Variants in BAHCC1 observed in about 807,000 individuals in gnomAD.
The protein encoded by BAHCC1 is BAH and coiled-coil domain-containing protein 1.
Under a neutral mutation model 88.2 loss-of-function variants are expected in BAHCC1, and 43 were observed. The ratio of observed to expected loss-of-function variants is 0.49; its 90% confidence interval spans 0.38 to 0.63. The LOEUF is 0.63. Among genes scored for constraint, BAHCC1 ranks in the 20% least tolerant of loss-of-function variants. The pLI, the probability that BAHCC1 is intolerant of heterozygous loss-of-function variation, is 0.00. For missense variants in BAHCC1, 3,023 were observed against 1,654.8 expected (o/e 1.83, Z -14.34); for synonymous variants, 1,510 against 745.5 (o/e 2.03, Z -16.71).
At chr17:81,425,075 TGG>T (rs148518315) in intron 2 of BAHCC1, among the ~76,000 whole-genome samples, 4 of 19,180 alleles carry the variant, frequency 2.1e-4, no homozygotes, top group African/African-American at 6.9e-4. Flanking sequence ...ATGTGGTTGG[TGG>T]GTGATGTGGT....
At chr17:81,412,301 A>C (rs560431719) in intron 2 of BAHCC1, among the ~76,000 whole-genome samples, 1 of 152,258 alleles carries the variant, frequency 6.6e-6, no homozygotes, top group Non-Finnish European at 1.5e-5. Context: ...ATAAACTTTT[A>C]ATTTATTTTA....
At chr17:81,421,345 G>T (rs997845401) in intron 2 of BAHCC1, among the ~76,000 whole-genome samples, 1 of 152,254 alleles carries the variant, frequency 6.6e-6, no homozygotes, top group Non-Finnish European at 1.5e-5. Context: ...TCGGCGGGGG[G>T]GCTGGGGAGG....
chr17:81,454,675 T>G (rs1472895457), intron 14 of BAHCC1, among the ~76,000 whole-genome samples: 1 of 151,804 alleles, frequency 6.6e-6, no homozygotes, highest in Non-Finnish European at 1.5e-5. Context: ...CTCCTAAGGG[T>G]GGTAGTATCA....
rs782787741 is a variant in BAHCC1, at chr17:81,463,647, G to A, written c.7657G>A (p.Asp2553Asn). 9 of 779,580 alleles carry A rather than the reference G, an allele frequency of 1.2e-5. No homozygotes were observed. Among genetic ancestry groups the A allele is most frequent in the Admixed American group, 8.5e-5 (5 of 59,026 alleles). 48.3% of individuals were successfully genotyped at this position (779,580 alleles called of 1,614,324 possible). ...LYQSCHEDEN[D>N]VQTISHKCQV... is the part of the protein sequence containing the mutation. ...CCAGTCCTGCCACGAGGATGAGAACGACGTGCAGACCATCTCCCACAAGTG... is the reference window on the plus strand; with the variant it reads ...CCAGTCCTGCCACGAGGATGAGAACAACGTGCAGACCATCTCCCACAAGTG... Residue 2553 changes from aspartate (D) to asparagine (N), a missense_variant, in exon 28 of 28, where the codon GAC (aspartate) becomes AAC (asparagine). Asp to Asn is a conservative substitution (Grantham distance 23). Coordinates refer to ENST00000675386, the MANE Select transcript of BAHCC1 (RefSeq NM_001377448.1).
chr17:81,412,535 C>A (rs1451055644), intron 2 of BAHCC1, among the ~76,000 whole-genome samples: 1 of 152,192 alleles, frequency 6.6e-6, no homozygotes, highest in Non-Finnish European at 1.5e-5. Flanking sequence ...GGGTCAGAGA[C>A]CCCTTGGGGC....
chr17:81,462,596 C>T (rs948124102), intron 26 of BAHCC1, 144 bp from the exon 27 acceptor site: 27 of 599,934 alleles, frequency 4.5e-5, no homozygotes, highest in Admixed American at 9.2e-5. Context: ...CGCGGTGCTG[C>T]GGCTTCCTGC....
intron 16 of BAHCC1, 56 bp from the exon 17 acceptor site, chr17:81,457,354 C>T (rs1193142253): frequency 1.4e-6 from 1 of 722,308 alleles, no homozygotes; most frequent in South Asian, 1.5e-5. Flanking sequence ...CCTCCCCCAC[C>T]TCTCAATGGC....
chr17:81,415,598 C>A (rs781995799), intron 2 of BAHCC1: 1 of 507,580 alleles, frequency 2.0e-6, no homozygotes, highest in Non-Finnish European at 3.9e-6. Context: ...GATACTACAG[C>A]CTGAGCCAAC....
chr17:81,455,189 A>C (rs1555656911), intron 14 of BAHCC1, 78 bp from the exon 15 acceptor site: 1 of 677,698 alleles, frequency 1.5e-6, no homozygotes, highest in Non-Finnish European at 2.7e-6. Flanking sequence ...AGTGTGACCC[A>C]CTACAGAGAC....
chr17:81,396,710 T>A (rs1259284472), intron 1 of BAHCC1: 1 of 152,170 alleles, frequency 6.6e-6, no homozygotes, highest in Non-Finnish European at 1.5e-5. Context: ...AAGCTCCAGA[T>A]CCTGGAGCGC....
intron 2 of BAHCC1, chr17:81,403,052 A>G (rs2063836219): frequency 6.6e-6 from 1 of 152,082 alleles, no homozygotes; most frequent in Non-Finnish European, 1.5e-5. Flanking sequence ...TCTAGGGGGG[A>G]GAAAAGAGAA....
rs1555658856 is a variant in BAHCC1 at position 81,460,566 on chromosome 17, G to T, written c.6062G>T (p.Ser2021Ile). 1.3e-6 allele frequency: 1 copy of T among 767,500 alleles called. No individual in the cohort carries two copies. Among genetic ancestry groups the T allele is most frequent in the Admixed American group, 1.7e-5 (1 of 57,706 alleles). 47.5% of individuals were successfully genotyped at this position (767,500 alleles called of 1,614,324 possible). ...EPSPALLVSS[S>I]CRRTKKVSSE... ...TCTCCAGCCCTGCTAGTGTCTAGCA[G>T]CTGCCGGAGGACCAAGAAGGTATCC... Residue 2021 changes from serine (S) to isoleucine (I), a missense_variant, in exon 25 of 28, where the codon AGC (serine) becomes ATC (isoleucine). By Grantham distance (142) the Ser-to-Ile change is moderately radical. Coordinates refer to ENST00000675386, the MANE Select transcript of BAHCC1 (RefSeq NM_001377448.1).
At chr17:81,428,684 A>G (rs1036262254) in intron 3 of BAHCC1, among the ~76,000 whole-genome samples, 11 of 152,196 alleles carry the variant, frequency 7.2e-5, no homozygotes, top group Non-Finnish European at 1.5e-4. Context: ...GGCTGCTCAG[A>G]GGGTGGGTGT....
Position 81,399,512 on chromosome 17 carries a change from T to C in BAHCC1, c.-206-22T>C. On this transcript the variant is annotated intron_variant, in intron 1 of 27. Coordinates refer to ENST00000675386, the MANE Select transcript of BAHCC1 (RefSeq NM_001377448.1). This position sits in a 1 kb window ranked among gnomAD's most constrained non-coding sequence, Gnocchi z 4.5. ...GCCGAGCCCCCCAGTCACCCGTGTCTCCTCTGCTTTTGCCTCCACAGACCA... is the reference window on the plus strand; with the variant it reads ...GCCGAGCCCCCCAGTCACCCGTGTCCCCTCTGCTTTTGCCTCCACAGACCA... 3.0e-6 allele frequency: 1 copy of C among 328,336 alleles called. No individual in the cohort carries two copies. The highest frequency in any genetic ancestry group is 6.2e-6 in the Non-Finnish European group (1 of 162,478). 20.3% of individuals were successfully genotyped at this position (328,336 alleles called of 1,614,324 possible).
intron 1 of BAHCC1, among the ~76,000 whole-genome samples, chr17:81,398,614 C>A (rs906757047): frequency 3.3e-5 from 5 of 150,102 alleles, no homozygotes; most frequent in Admixed American, 1.3e-4. Context: ...GCACCCCCCC[C>A]ACACACACCC....
At chr17:81,452,630 C>T in intron 13 of BAHCC1, 93 bp from the exon 14 acceptor site, 1 of 583,206 alleles carries the variant, frequency 1.7e-6, no homozygotes, top group Non-Finnish European at 3.0e-6. Context: ...TCCCCACACC[C>T]AGTAGCCCTC....
chr17:81,460,972 G>C lies in BAHCC1; in HGVS notation c.6309G>C (p.Gln2103His). The part of the protein sequence containing the change: ...SPLLSWSAVA[Q>H]TKRKAVAAAS... ...TGCTGAGCTGGTCCGCGGTGGCGCA[G>C]ACCAAGCGGAAGGCGGTGGCAGCGG... is the stretch of plus-strand genomic sequence containing the variant. Residue 2103 changes from glutamine (Q) to histidine (H), a missense_variant, in exon 26 of 28, where the codon CAG becomes CAC. Gln to His is a conservative substitution (Grantham distance 24). Coordinates refer to ENST00000675386, the MANE Select transcript of BAHCC1 (RefSeq NM_001377448.1). The C allele has an allele frequency of 2.6e-6, 2 of 772,900 alleles. No homozygotes were observed. Among genetic ancestry groups the C allele is most frequent in the Non-Finnish European group, 4.8e-6 (2 of 417,496 alleles). The allele number at this position is 772,900 out of a possible 1,614,324, so 47.9% of individuals were successfully genotyped here.
At chr17:81,450,029 C>G (rs1323358074) in intron 11 of BAHCC1, among the ~76,000 whole-genome samples, 1 of 152,190 alleles carries the variant, frequency 6.6e-6, no homozygotes, top group Middle Eastern at 3.2e-3. Context: ...TCCCGCACTC[C>G]TGCTTCTGGC....
intron 2 of BAHCC1, among the ~76,000 whole-genome samples, chr17:81,414,986 G>A (rs1292168316): frequency 2.6e-5 from 4 of 152,172 alleles, no homozygotes; most frequent in African/African-American, 7.2e-5. Flanking sequence ...GCTGTTACCC[G>A]CCCCGGCGTA....
Sources: gnomAD v4.1 joint callset for allele counts (sites outside exome capture counted in the v4.1 genomes callset) on GRCh38, gnomAD v4.1.1 for gene constraint, Gnocchi (gnomAD v3.1) non-coding constraint, MANE v1.5 for transcripts, NCBI Gene and HGNC (gene_info 2026-07-23, HGNC 2026-07-21) for gene names.